Variants in WWOX observed in about 807,000 individuals in gnomAD.
The protein encoded by WWOX is WW domain containing oxidoreductase.
A neutral mutation model predicts 46.2 loss-of-function variants in WWOX; 69 were observed. That is an observed-to-expected ratio of 1.49 (90% confidence interval 1.23 to 1.82). WWOX has a LOEUF of 1.82. Ranked by LOEUF, WWOX falls within the 40% of genes most tolerant of loss-of-function variation. WWOX has a pLI of 0.00. For missense variants in WWOX, 919 were observed against 542.6 expected, an observed-to-expected ratio of 1.69 and a Z score of -6.89; for synonymous variants, 359 against 202.6, an observed-to-expected ratio of 1.77 and a Z score of -6.56.
intron 8 of WWOX, among the ~76,000 whole-genome samples, chr16:78,952,608 T>A (rs2046084345): frequency 6.6e-6 from 1 of 152,138 alleles, no homozygotes; most frequent in Non-Finnish European, 1.5e-5. Flanking sequence ...GGTCTTGAAC[T>A]CTTGGCCTCA....
chr16:79,009,574 T>C (rs2047262263), intron 8 of WWOX, among the ~76,000 whole-genome samples: 1 of 152,238 alleles, frequency 6.6e-6, no homozygotes, highest in South Asian at 2.1e-4. Context: ...TTCAAGCGAT[T>C]CTCCTGCCTC....
At chr16:78,219,712 G>A (rs546295279) in intron 5 of WWOX, among the ~76,000 whole-genome samples, 2 of 152,146 alleles carry the variant, frequency 1.3e-5, no homozygotes, top group South Asian at 2.1e-4. Context: ...CTGTTACCAC[G>A]ACGAATACTG....
At chr16:79,116,020 T>C (rs911081155) in intron 8 of WWOX, among the ~76,000 whole-genome samples, 3 of 152,200 alleles carry the variant, frequency 2.0e-5, no homozygotes, top group Non-Finnish European at 4.4e-5. Context: ...CAAAAGTTGC[T>C]TACACGATAT....
intron 8 of WWOX, among the ~76,000 whole-genome samples, chr16:79,049,237 C>T (rs1052936893): frequency 6.6e-6 from 1 of 152,166 alleles, no homozygotes; most frequent in Non-Finnish European, 1.5e-5. Flanking sequence ...GGCTGTGTGC[C>T]AATTAAACTT....
intron 8 of WWOX, among the ~76,000 whole-genome samples, chr16:78,810,656 A>C (rs1369686320): frequency 6.6e-6 from 1 of 152,314 alleles, no homozygotes; most frequent in Middle Eastern, 3.4e-3. Flanking sequence ...GTTTGGTTCT[A>C]ATTGTTAAGC....
intron 8 of WWOX, among the ~76,000 whole-genome samples, chr16:78,706,638 G>T (rs1268303869): frequency 6.6e-6 from 1 of 152,094 alleles, no homozygotes; most frequent in Non-Finnish European, 1.5e-5. Flanking sequence ...TCCAATTATG[G>T]CAACATTGAA....
intron 7 of WWOX, among the ~76,000 whole-genome samples, chr16:78,431,704 T>TA (rs1555538238): frequency 6.6e-6 from 1 of 150,934 alleles, no homozygotes; most frequent in East Asian, 1.9e-4. Context: ...TTTTTTTTTT[T>TA]AATTTTTAAA....
intron 8 of WWOX, chr16:78,496,159 C>G (rs1231876889): frequency 1.3e-5 from 2 of 152,278 alleles, no homozygotes; most frequent in African/African-American, 4.8e-5. Context: ...TTCAGATTCC[C>G]CTAAATCTTC....
At chr16:78,787,268 A>G (rs1407201483) in intron 8 of WWOX, among the ~76,000 whole-genome samples, 2 of 152,216 alleles carry the variant, frequency 1.3e-5, no homozygotes, top group East Asian at 3.9e-4. Flanking sequence ...GCCATTTCAG[A>G]ACATTTTTAC....
chr16:78,333,066 T>C (rs2080800534), intron 5 of WWOX, among the ~76,000 whole-genome samples: 1 of 116,262 alleles, frequency 8.6e-6, no homozygotes, highest in East Asian at 2.9e-4. Flanking sequence ...TTTTTTTTTT[T>C]TGAGACAGAG....
chr16:78,595,665 G>C (rs552489296), intron 8 of WWOX, among the ~76,000 whole-genome samples: 11 of 152,218 alleles, frequency 7.2e-5, no homozygotes, highest in South Asian at 2.1e-4. Flanking sequence ...CATACTCAGA[G>C]TGGCCCTAGG....
intron 8 of WWOX, among the ~76,000 whole-genome samples, chr16:78,568,949 T>C (rs1007918475): frequency 6.6e-6 from 1 of 152,232 alleles, no homozygotes; most frequent in Non-Finnish European, 1.5e-5. Flanking sequence ...TGTCCACTTC[T>C]ACCTTAGCTA....
At chr16:78,276,033 C>T (rs2079570996) in intron 5 of WWOX, among the ~76,000 whole-genome samples, 1 of 152,160 alleles carries the variant, frequency 6.6e-6, no homozygotes, top group Non-Finnish European at 1.5e-5. Flanking sequence ...CAAAGTTAAG[C>T]CTTCTGGCTG....
At chr16:78,866,148 A>T (rs2043998642) in intron 8 of WWOX, among the ~76,000 whole-genome samples, 1 of 152,210 alleles carries the variant, frequency 6.6e-6, no homozygotes, top group Admixed American at 6.5e-5. Context: ...TTTCCCATCT[A>T]GCTCCTGGGC....
intron 8 of WWOX, among the ~76,000 whole-genome samples, chr16:78,663,011 T>A (rs1327796168): frequency 1.3e-5 from 2 of 152,190 alleles, no homozygotes; most frequent in African/African-American, 4.8e-5. Context: ...CTGAGATTAT[T>A]CAGTACTGCA....
At chr16:78,801,821 A>C (rs2050898245) in intron 8 of WWOX, among the ~76,000 whole-genome samples, 1 of 152,180 alleles carries the variant, frequency 6.6e-6, no homozygotes, top group Non-Finnish European at 1.5e-5. Flanking sequence ...AAGCTGTGTA[A>C]GATATACAAT....
intron 8 of WWOX, among the ~76,000 whole-genome samples, chr16:78,612,705 C>T (rs540830846): frequency 3.7e-4 from 57 of 152,176 alleles, no homozygotes; most frequent in African/African-American, 1.3e-3. Context: ...AAACTCCTGG[C>T]CTCTCAAGCC....
intron 5 of WWOX, among the ~76,000 whole-genome samples, chr16:78,354,337 G>A (rs1207962623): frequency 8.6e-5 from 7 of 81,554 alleles, no homozygotes; most frequent in Admixed American, 5.1e-4. Context: ...GGTCAGGTGT[G>A]TAGGTATGTG....
intron 8 of WWOX, among the ~76,000 whole-genome samples, chr16:78,521,384 G>C (rs10468362): frequency 0.059 from 9,042 of 152,048 alleles, 279 homozygotes; most frequent in Middle Eastern, 0.075. Context: ...GGGGGTGTGT[G>C]GGTGGGTGGT....
Sources: allele counts gnomAD v4.1 joint callset (sites outside exome capture counted in the v4.1 genomes callset), GRCh38; gene constraint gnomAD v4.1.1; transcripts MANE v1.5; gene names NCBI Gene and HGNC (gene_info 2026-07-23, HGNC 2026-07-21).